RARB: variants seen among roughly 807,000 people sequenced by gnomAD.
The protein encoded by RARB is retinoic acid receptor beta, also known as HBV-activated protein.
In RARB, 17 loss-of-function variants were observed where a neutral mutation model predicts 51.9. The observed-to-expected ratio is 0.33, with a 90% confidence interval of 0.22 to 0.49. RARB has a LOEUF of 0.49. RARB is among the 20% of genes least tolerant of loss of function. The pLI is 0.99. For synonymous variants in RARB, 215 were observed against 195.4 expected (o/e 1.10, Z -0.84); for missense variants, 369 against 550.8 (o/e 0.67, Z 3.30).
chr3:25,395,663 T>C (rs1707093559), intron 5 of RARB, among the ~76,000 whole-genome samples: 1 of 152,172 alleles, frequency 6.6e-6, no homozygotes, highest in Non-Finnish European at 1.5e-5. Context: ...AGCTCTGAAG[T>C]TCTTTCTTCT....
intron 1 of RARB, among the ~76,000 whole-genome samples, chr3:25,448,896 G>T (rs1048243903): frequency 6.7e-6 from 1 of 148,222 alleles, no homozygotes; most frequent in East Asian, 2.0e-4. Flanking sequence ...CTCCACCCCC[G>T]CAATCCCCAG....
intron 2 of RARB, among the ~76,000 whole-genome samples, chr3:24,891,089 C>T (rs747551032): frequency 4.6e-5 from 7 of 152,132 alleles, no homozygotes; most frequent in Non-Finnish European, 5.9e-5. Flanking sequence ...TTGTGAACAA[C>T]GCAGCCCATA....
intron 5 of RARB, among the ~76,000 whole-genome samples, chr3:25,418,713 T>C (rs909768363): frequency 5.9e-5 from 9 of 152,048 alleles, no homozygotes; most frequent in Non-Finnish European, 1.0e-4. Flanking sequence ...TGAGGACAAG[T>C]AGGGATTCAT....
rs540652241 is a variant in RARB, at chr3:25,222,699, T to C, written c.178+48124T>C. Among the ~76,000 whole-genome samples, 8 of 152,334 alleles carry C rather than the reference T, an allele frequency of 5.3e-5. No individual in the cohort carries two copies. In the South Asian group the frequency reaches 1.4e-3, roughly 28 times the overall value. On this transcript the variant is annotated intron_variant, in intron 5 of 11. Coordinates refer to the RARB transcript ENST00000383772. ...GAAACTTCACTTCTAATATTCTAATTTTTTATGTAGATCCTTGTATAAGAG... is the reference window on the plus strand; with the variant it reads ...GAAACTTCACTTCTAATATTCTAATCTTTTATGTAGATCCTTGTATAAGAG...
intron 2 of RARB, among the ~76,000 whole-genome samples, chr3:25,054,528 A>T (rs1228038867): frequency 6.6e-6 from 1 of 152,174 alleles, no homozygotes; most frequent in Non-Finnish European, 1.5e-5. Flanking sequence ...AAAGGCAGAA[A>T]GCTACTTCAG....
intron 2 of RARB, among the ~76,000 whole-genome samples, chr3:24,894,900 G>C (rs1000213882): frequency 7.2e-5 from 11 of 152,106 alleles, no homozygotes; most frequent in Non-Finnish European, 1.5e-4. Context: ...TAAATATATG[G>C]GTTAAAAGGA....
At chr3:24,999,957 A>T (rs1387690020) in intron 2 of RARB, among the ~76,000 whole-genome samples, 1 of 150,694 alleles carries the variant, frequency 6.6e-6, no homozygotes, top group Non-Finnish European at 1.5e-5. Flanking sequence ...AATGCAAAAA[A>T]ATATTTTGAC....
chr3:24,918,421 A>G (rs914478078), intron 2 of RARB, among the ~76,000 whole-genome samples: 1 of 152,184 alleles, frequency 6.6e-6, no homozygotes, highest in South Asian at 2.1e-4. Flanking sequence ...TTAACTGCAA[A>G]AGAGAAAGTG....
intron 2 of RARB, among the ~76,000 whole-genome samples, chr3:25,001,213 G>A (rs963773389): frequency 1.3e-5 from 2 of 151,836 alleles, no homozygotes; most frequent in African/African-American, 2.4e-5. Flanking sequence ...AATAAATAAA[G>A]GCAAAAATTA....
At chr3:25,417,513 A>T (rs1299029469) in intron 5 of RARB, among the ~76,000 whole-genome samples, 1 of 152,082 alleles carries the variant, frequency 6.6e-6, no homozygotes. Flanking sequence ...CACAAAATCC[A>T]ATGGTTTTAA....
At chr3:25,236,209 T>C (rs1445138725) in intron 5 of RARB, among the ~76,000 whole-genome samples, 1 of 152,154 alleles carries the variant, frequency 6.6e-6, no homozygotes, top group Admixed American at 6.5e-5. Context: ...CAAATATTAA[T>C]TGTGCCAAGA....
At chr3:25,247,247 C>T (rs1291227423) in intron 5 of RARB, among the ~76,000 whole-genome samples, 1 of 152,230 alleles carries the variant, frequency 6.6e-6, no homozygotes, top group African/African-American at 2.4e-5. Flanking sequence ...TGGGTCTTAG[C>T]TTGCTGGGCT....
intron 2 of RARB, among the ~76,000 whole-genome samples, chr3:24,971,992 T>TTACTC (rs58173788): frequency 0.69 from 104,170 of 151,360 alleles, 36,217 homozygotes; most frequent in East Asian, 0.84. Flanking sequence ...TTATTTTTCT[T>TTACTC]TAGGAACATT....
At chr3:25,126,305 C>T (rs1414041158) in intron 3 of RARB, among the ~76,000 whole-genome samples, 1 of 152,056 alleles carries the variant, frequency 6.6e-6, no homozygotes, top group East Asian at 1.9e-4. Flanking sequence ...GATTTCCATT[C>T]TCTTGTGTGC....
chr3:25,353,041 G>A (rs1404381055), intron 5 of RARB, among the ~76,000 whole-genome samples: 1 of 152,214 alleles, frequency 6.6e-6, no homozygotes, highest in African/African-American at 2.4e-5. Flanking sequence ...TATGTGCCAA[G>A]TAATACGTGA....
At chr3:25,362,197 G>A (rs141641491) in intron 5 of RARB, among the ~76,000 whole-genome samples, 2,981 of 152,280 alleles carry the variant, frequency 0.02, 87 homozygotes, top group African/African-American at 0.064. Context: ...CAGAGTGGAG[G>A]AATCTAGAGA....
At chr3:25,305,786 G>T (rs897468702) in intron 5 of RARB, among the ~76,000 whole-genome samples, 1 of 152,150 alleles carries the variant, frequency 6.6e-6, no homozygotes, top group South Asian at 2.1e-4. Flanking sequence ...TCACACAGTG[G>T]TATAAAAAAT....
chr3:24,996,972 A>C (rs973758425), intron 2 of RARB, among the ~76,000 whole-genome samples: 8 of 152,144 alleles, frequency 5.3e-5, no homozygotes, highest in African/African-American at 1.9e-4. Flanking sequence ...TTTTAGGTCC[A>C]TTTGGTCTAT....
chr3:25,071,740 T>C (rs907770524), intron 3 of RARB, among the ~76,000 whole-genome samples: 1 of 152,198 alleles, frequency 6.6e-6, no homozygotes, highest in African/African-American at 2.4e-5. Context: ...TCCGGCCTTA[T>C]GGTATAAGGA....
Sources: gnomAD v4.1 joint callset for allele counts (sites outside exome capture counted in the v4.1 genomes callset) on GRCh38, gnomAD v4.1.1 for gene constraint, MANE v1.5 for transcripts, NCBI Gene and HGNC (gene_info 2026-07-23, HGNC 2026-07-21) for gene names.